Variants in MROH2A observed in about 807,000 individuals in gnomAD.
The protein encoded by MROH2A is maestro heat like repeat family member 2A.
In MROH2A, 174 loss-of-function variants were observed where a neutral mutation model predicts 200.4. The observed-to-expected ratio is 0.87, with a 90% confidence interval of 0.77 to 0.98. The LOEUF is 0.98. Ranked by LOEUF, MROH2A falls within the 50% of genes least tolerant of loss-of-function variation. MROH2A has a pLI of 0.00. For missense variants in MROH2A, 2,045 were observed against 2,139.6 expected, an observed-to-expected ratio of 0.96 and a Z score of 0.87; for synonymous variants, 829 against 840.4, an observed-to-expected ratio of 0.99 and a Z score of 0.23.
intron 3 of MROH2A, among the ~76,000 whole-genome samples, chr2:233,786,035 G>T (rs1239537117): frequency 6.6e-6 from 1 of 152,068 alleles, no homozygotes; most frequent in Non-Finnish European, 1.5e-5. Context: ...GAATCATGGG[G>T]TGGTTTCCCT....
At position 233,800,155 on chromosome 2, in the gene MROH2A, A is replaced by T. The variant is rs1489591513; in HGVS notation, c.1450-50A>T. The T allele has an allele frequency of 6.5e-6, 9 of 1,382,770 alleles. No homozygotes were observed. The African/African-American group carries it at 1.2e-4, about 18-fold the overall frequency. 85.7% of individuals were successfully genotyped at this position (1,382,770 alleles called of 1,614,324 possible). On this transcript the variant is annotated intron_variant, in intron 13 of 41. Transcript: ENST00000389758. ...TGAGGAGACCACACCTGAGACCACG[A>T]CAAACCTCTGCTAGGCCACAGGTGG...
chr2:233,800,967 TCATC>T (rs1339528667), intron 14 of MROH2A, among the ~76,000 whole-genome samples: 3 of 151,882 alleles, frequency 2.0e-5, no homozygotes, highest in African/African-American at 7.3e-5. Flanking sequence ...ATAATAATCA[TCATC>T]ATCATCATAG....
intron 27 of MROH2A, among the ~76,000 whole-genome samples, chr2:233,817,108 G>A (rs1379157510): frequency 6.6e-6 from 1 of 152,212 alleles, no homozygotes; most frequent in African/African-American, 2.4e-5. Context: ...TGTGGCTTCT[G>A]TAGCGGTGAG....
intron 26 of MROH2A, among the ~76,000 whole-genome samples, chr2:233,816,253 T>C (rs1703516370): frequency 1.3e-5 from 2 of 152,244 alleles, no homozygotes; most frequent in Non-Finnish European, 2.9e-5. Context: ...TGTCTTTTTG[T>C]TCTATCAATT....
chr2:233,812,948 G>C (rs1209058025), intron 24 of MROH2A, among the ~76,000 whole-genome samples: 1 of 152,150 alleles, frequency 6.6e-6, no homozygotes, highest in East Asian at 1.9e-4. Flanking sequence ...GCAGGATGGT[G>C]GCTCTCAACT....
At position 233,794,417 on chromosome 2, in the gene MROH2A, A is replaced by G. The variant is rs1701973537; in HGVS notation, c.877A>G (p.Asn293Asp). 19 of 1,550,542 alleles carry G rather than the reference A, an allele frequency of 1.2e-5. No homozygotes were observed. Among genetic ancestry groups the G allele is most frequent in the Non-Finnish European group, 1.6e-5 (18 of 1,146,978 alleles). The change falls in exon 8 of 42, where the codon AAC (asparagine) becomes GAC (aspartate). Residue 293 changes from asparagine to aspartate, a missense_variant. Asn to Asp is a conservative substitution (Grantham distance 23). Transcript: ENST00000389758. ...LKPMLGLLLPNDDLREQVYDY... is the reference protein window; with the variant it reads ...LKPMLGLLLPDDDLREQVYDY... ...GCCCATGCTCGGCCTCCTTCTGCCC[A>G]ACGATGACCTGCGGGAGCAGGTCTA... is the stretch of plus-strand genomic sequence containing the variant.
rs1053917116 is a variant in MROH2A at position 233,778,336 on chromosome 2, A to G, written c.-160A>G. The G allele has an allele frequency of 2.4e-5, 4 of 169,010 alleles. No individual in the cohort carries two copies. The highest frequency in any genetic ancestry group is 6.5e-5 in the Admixed American group (1 of 15,300). 10.5% of individuals were successfully genotyped at this position (169,010 alleles called of 1,614,324 possible). On this transcript the variant is annotated 5_prime_UTR_variant, in exon 1 of 42. Transcript: ENST00000389758. ...CCACCCTTCCAGGAGACCCATTCCTATAAGAAATATGACTGAAGAGCCCAG... is the reference window on the plus strand; with the variant it reads ...CCACCCTTCCAGGAGACCCATTCCTGTAAGAAATATGACTGAAGAGCCCAG...
intron 24 of MROH2A, among the ~76,000 whole-genome samples, chr2:233,813,438 G>C (rs1703307966): frequency 6.6e-6 from 1 of 152,204 alleles, no homozygotes; most frequent in East Asian, 1.9e-4. Context: ...GCAGATAGGA[G>C]AGATGGCCTT....
intron 33 of MROH2A, 80 bp from the exon 34 acceptor site, chr2:233,822,801 C>G: frequency 6.6e-7 from 1 of 1,513,256 alleles, no homozygotes; most frequent in Non-Finnish European, 8.9e-7. Context: ...ACTGGGGCCC[C>G]ACTTCACAGA....
chr2:233,800,236 AC>A lies in MROH2A; in HGVS notation c.1482del (p.Leu495TrpfsTer14). 6.5e-7 allele frequency: 1 copy of A among 1,549,942 alleles called. No homozygotes were observed. Among genetic ancestry groups the A allele is most frequent in the South Asian group, 1.2e-5 (1 of 83,992 alleles). ...CGCCGGGAGAAGTTTTATCAGAGGG[AC>A]TTGGAGGAGAGGATGGTCCACAAAG... is the stretch of plus-strand genomic sequence containing the variant. ...TNRREKFYQRDLEERMVHKVT... is the reference protein window; with the variant it reads ...TNRREKFYQRXLEERMVHKVT... On this transcript the variant is annotated frameshift_variant, in exon 14 of 42. Transcript: ENST00000389758. LOFTEE classifies it high-confidence loss of function.
chr2:233,822,125 C>T lies in MROH2A; in HGVS notation c.3514C>T (p.His1172Tyr), dbSNP rs1250454723. Residue 1172 changes from histidine (H) to tyrosine (Y), a missense_variant and splice_region_variant, in exon 32 of 42, where the codon CAC (histidine) becomes TAC (tyrosine). Coordinates refer to ENST00000389758, the MANE Select transcript of MROH2A (RefSeq NM_001394639.1). Reference sequence around the variant, plus strand: ...TCCTTGTGCCCTGACTTTGGTTAGCCACCTGGCAGAGGTGTGGCTGGCAGT... The same window carrying T: ...TCCTTGTGCCCTGACTTTGGTTAGCTACCTGGCAGAGGTGTGGCTGGCAGT... ...LLRQPLPMESHLAEVWLAVSE... is the reference protein window; with the variant it reads ...LLRQPLPMESYLAEVWLAVSE... 1 of 1,548,006 alleles carries T rather than the reference C, an allele frequency of 6.5e-7. No homozygotes were observed. Among genetic ancestry groups the T allele is most frequent in the Non-Finnish European group, 8.7e-7 (1 of 1,145,430 alleles).
upstream of MROH2A, among the ~76,000 whole-genome samples, chr2:233,776,907 C>T (rs538286498): frequency 3.3e-4 from 51 of 152,262 alleles, no homozygotes; most frequent in Admixed American, 3.3e-4. Context: ...TTCATATTCC[C>T]GCTCACTGTC....
chr2:233,795,892 G>A (rs760716687), intron 9 of MROH2A, 75 bp from the exon 10 acceptor site: 1 of 1,529,492 alleles, frequency 6.5e-7, no homozygotes, highest in East Asian at 2.5e-5. Flanking sequence ...TGCAGCCCCA[G>A]GTATGGTCAG....
At chr2:233,816,626 A>T (rs186082362) in intron 26 of MROH2A, among the ~76,000 whole-genome samples, 155 bp from the exon 27 acceptor site, 48 of 152,338 alleles carry the variant, frequency 3.2e-4, no homozygotes, top group Non-Finnish European at 5.9e-4. Context: ...CCCTGCCTAC[A>T]GCCTCATCTC....
At chr2:233,802,457 T>TATCCAGGTAG in intron 15 of MROH2A, 142 bp downstream of exon 15, 1 of 917,594 alleles carries the variant, frequency 1.1e-6, no homozygotes, top group Non-Finnish European at 1.6e-6. Context: ...ATACTATTAA[T>TATCCAGGTAG]GCCTACCTGG....
At chr2:233,803,849 G>A (rs764105322) in intron 16 of MROH2A, among the ~76,000 whole-genome samples, 1 of 152,148 alleles carries the variant, frequency 6.6e-6, no homozygotes, top group South Asian at 2.1e-4. Context: ...ACTGAAGCCT[G>A]GGGTGGGGAG....
intron 3 of MROH2A, among the ~76,000 whole-genome samples, chr2:233,788,695 T>C (rs2126097152): frequency 6.6e-6 from 1 of 151,474 alleles, no homozygotes; most frequent in Middle Eastern, 3.4e-3. Flanking sequence ...CCCAGCACTT[T>C]GGGAGGCCGA....
Position 233,793,831 on chromosome 2 carries a change from T to C in MROH2A, c.822+7T>C. On this transcript the variant is annotated splice_region_variant and intron_variant, in intron 7 of 41. Transcript: ENST00000389758. ...GAGGCACTACAACCCCGAGGTGAGA[T>C]GCACCCCTCTTAGGAGGGCCTGGTG... 1 of 1,401,196 alleles carries C rather than the reference T, an allele frequency of 7.1e-7. No individual in the cohort carries two copies. Among genetic ancestry groups the C allele is most frequent in the Non-Finnish European group, 9.3e-7 (1 of 1,073,172 alleles). The allele number at this position is 1,401,196 out of a possible 1,614,324, so 86.8% of individuals were successfully genotyped here.
In MROH2A at chr2:233,796,270, C is replaced by A. The variant is rs536527223; in HGVS notation, c.1209C>A (p.Arg403=). 5 of 1,333,640 alleles carry A rather than the reference C, an allele frequency of 3.7e-6. No homozygotes were observed. Among genetic ancestry groups the A allele is most frequent in the East Asian group, 4.6e-5 (1 of 21,944 alleles). 82.6% of individuals were successfully genotyped at this position (1,333,640 alleles called of 1,614,324 possible). The change falls in exon 11 of 42, where the codon CGC becomes CGA. Residue 403 remains arginine (R), a synonymous_variant. Transcript: ENST00000389758. ...SQMETNKEAV[R]VGTLNLIRAI... The stretch of plus-strand genomic sequence containing the variant: ...TGGAGACAAACAAGGAGGCCGTCCG[C>A]GTGGGGACTCTGAATCTGATTAGGG...
Sources: gnomAD v4.1 joint callset for allele counts (sites outside exome capture counted in the v4.1 genomes callset) on GRCh38, gnomAD v4.1.1 for gene constraint, MANE v1.5 for transcripts, NCBI Gene and HGNC (gene_info 2026-07-23, HGNC 2026-07-21) for gene names.